CYP4F2: variants seen among roughly 807,000 people sequenced by gnomAD.
The protein encoded by CYP4F2 is cytochrome P450 4F2.
In CYP4F2, 58 loss-of-function variants were observed where a neutral mutation model predicts 58.9. That is an observed-to-expected ratio of 0.98 (90% CI 0.80 to 1.23). The LOEUF is 1.23. Ranked by LOEUF, CYP4F2 falls within the 50% of genes most tolerant of loss-of-function variation. The pLI is 0.00. For synonymous variants in CYP4F2, 287 were observed against 261.1 expected, an observed-to-expected ratio of 1.10 and a Z score of -0.95; for missense variants, 616 against 685.6, an observed-to-expected ratio of 0.90 and a Z score of 1.13.
At chr19:15,889,345 C>G (rs2089401809) in intron 7 of CYP4F2, 78 bp downstream of exon 7, 1 of 1,609,052 alleles carries the variant, frequency 6.2e-7, no homozygotes, top group Non-Finnish European at 8.5e-7. Context: ...CCCTCTTAAT[C>G]AAGTTCAAAT....
At chr19:15,891,411 C>A (rs2089415662) in intron 5 of CYP4F2, among the ~76,000 whole-genome samples, 1 of 152,080 alleles carries the variant, frequency 6.6e-6, no homozygotes, top group African/African-American at 2.4e-5. Flanking sequence ...AGTCTCTCGT[C>A]CTTCTGGAAG....
intron 9 of CYP4F2, among the ~76,000 whole-genome samples, chr19:15,883,543 G>A (rs1312390256): frequency 6.6e-6 from 1 of 152,104 alleles, no homozygotes; most frequent in Non-Finnish European, 1.5e-5. Flanking sequence ...ATAAATTAGC[G>A]CAGCCACTGC....
At chr19:15,888,652 A>G in intron 7 of CYP4F2, among the ~76,000 whole-genome samples, 1 of 152,238 alleles carries the variant, frequency 6.6e-6, no homozygotes, top group East Asian at 1.9e-4. Context: ...TTAGAAACAC[A>G]GACACAAAAA....
intron 9 of CYP4F2, among the ~76,000 whole-genome samples, chr19:15,881,013 A>G (rs2089341228): frequency 6.6e-6 from 1 of 151,898 alleles, no homozygotes; most frequent in Non-Finnish European, 1.5e-5. Flanking sequence ...CACTGTGCAC[A>G]CATGCTGACT....
intron 6 of CYP4F2, among the ~76,000 whole-genome samples, chr19:15,889,980 G>A (rs544393148): frequency 2.0e-5 from 3 of 152,084 alleles, no homozygotes; most frequent in East Asian, 1.9e-4. Context: ...GTCCTGACCC[G>A]TCTCCTTGAA....
intron 9 of CYP4F2, among the ~76,000 whole-genome samples, chr19:15,882,434 A>G (rs1426080144): frequency 6.6e-6 from 1 of 152,192 alleles, no homozygotes; most frequent in East Asian, 1.9e-4. Flanking sequence ...ACAATGTATT[A>G]ATTGAAATTG....
chr19:15,892,458 A>G (rs767274275), intron 4 of CYP4F2, 22 bp from the exon 5 acceptor site: 1 of 1,614,126 alleles, frequency 6.2e-7, no homozygotes, highest in Non-Finnish European at 8.5e-7. Context: ...GCCAAGGGCC[A>G]TGGGCAAGGA....
In CYP4F2 at chr19:15,878,334, C is replaced by T. The variant is rs573658925; in HGVS notation, c.*437G>A. Reference sequence around the variant, plus strand: ...CCACAGCTGCTGAAAGCCACCAATCCGCTATGCATCTCTTCAGATTGGCCT... The same window carrying T: ...CCACAGCTGCTGAAAGCCACCAATCTGCTATGCATCTCTTCAGATTGGCCT... On this transcript the variant is annotated 3_prime_UTR_variant, in exon 13 of 13. Coordinates refer to ENST00000221700, the MANE Select transcript of CYP4F2 (RefSeq NM_001082.5). The T allele has an allele frequency of 8.8e-5, 14 of 159,010 alleles. No homozygotes were observed. The highest frequency in any genetic ancestry group is 1.9e-4 in the South Asian group (1 of 5,280). The allele number at this position is 159,010 out of a possible 1,614,324, so 9.8% of individuals were successfully genotyped here. A position where few individuals can be genotyped will look rare whatever the true frequency, so the allele number is the denominator to read the frequency against.
At position 15,878,834 on chromosome 19, in the gene CYP4F2, C is replaced by T; in HGVS notation, c.1500G>A (p.Arg500=). Reference sequence around the variant, plus strand: ...CTGCGCGCAGGACCAGCTCCGGCTTCCTGCGGGGCTCGGTGTGGTCAGGCA... The same window carrying T: ...CTGCGCGCAGGACCAGCTCCGGCTTTCTGCGGGGCTCGGTGTGGTCAGGCA... The part of the protein sequence containing the change: ...RVLPDHTEPR[R]KPELVLRAEG... The change falls in exon 13 of 13, where the codon AGG becomes AGA. Residue 500 remains arginine (R), a synonymous_variant. Transcript: ENST00000221700. 1.2e-6 allele frequency: 2 copies of T among 1,614,044 alleles called. No individual in the cohort carries two copies. Among genetic ancestry groups the T allele is most frequent in the Non-Finnish European group, 1.7e-6 (2 of 1,179,968 alleles).
At chr19:15,890,776 T>C (rs2089411804) in intron 5 of CYP4F2, among the ~76,000 whole-genome samples, 1 of 152,180 alleles carries the variant, frequency 6.6e-6, no homozygotes, top group Admixed American at 6.5e-5. Flanking sequence ...CATTAGAAAC[T>C]CTGCTCCACC....
At chr19:15,880,801 T>C (rs756133824) in intron 9 of CYP4F2, among the ~76,000 whole-genome samples, 2 of 152,202 alleles carry the variant, frequency 1.3e-5, no homozygotes, top group East Asian at 1.9e-4. Context: ...AGAAGAAATA[T>C]GAAGATTGGC....
intron 5 of CYP4F2, among the ~76,000 whole-genome samples, chr19:15,890,668 T>C (rs764983431): frequency 1.9e-4 from 28 of 151,218 alleles, no homozygotes; most frequent in Non-Finnish European, 3.4e-4. Flanking sequence ...TCCCCTGTGC[T>C]CTGTGTGCCA....
rs867110758 is a variant in CYP4F2 at position 15,889,650 on chromosome 19, G to A, written c.691C>T (p.Leu231Phe). 6.2e-7 allele frequency: 1 copy of A among 1,614,018 alleles called. No individual in the cohort carries two copies. Among genetic ancestry groups the A allele is most frequent in the African/African-American group, 1.3e-5 (1 of 74,912 alleles). ...ATCTCATGGTGTCTTTTTGATACAA[G>A]GGCACTGAGCTCCAAGATGGCGGCA... is the stretch of plus-strand genomic sequence containing the variant. ...YIAAILELSA[L>F]VSKRHHEILL... Residue 231 changes from leucine to phenylalanine, a missense_variant, in exon 7 of 13, where the codon CTT becomes TTT. By Grantham distance (22) the Leu-to-Phe change is conservative. Coordinates refer to ENST00000221700, the MANE Select transcript of CYP4F2 (RefSeq NM_001082.5).
At position 15,890,356 on chromosome 19, in the gene CYP4F2, G is replaced by T; in HGVS notation, c.603C>A (p.Asp201Glu). 6.2e-7 allele frequency: 1 copy of T among 1,614,152 alleles called. No individual in the cohort carries two copies. The highest frequency in any genetic ancestry group is 8.5e-7 in the Non-Finnish European group (1 of 1,180,026). The change falls in exon 6 of 13, where the codon GAC (aspartate) becomes GAA (glutamate). Residue 201 changes from aspartate (D) to glutamate (E), a missense_variant. Coordinates refer to ENST00000221700, the MANE Select transcript of CYP4F2 (RefSeq NM_001082.5). ...MFEHISLMTL[D>E]SLQKCVFSFD... is the part of the protein sequence containing the mutation. ...AGCTGAAGACACATTTCTGTAGACT[G>T]TCCAAGGTCATGAGGCTGATGTGCT...
Position 15,878,954 on chromosome 19 carries a change from G to C in CYP4F2, c.1398-18C>G. The C allele has an allele frequency of 1.2e-6, 2 of 1,610,230 alleles. No homozygotes were observed. Among genetic ancestry groups the C allele is most frequent in the Non-Finnish European group, 8.5e-7 (1 of 1,178,088 alleles). On this transcript the variant is annotated intron_variant, in intron 12 of 12. Transcript: ENST00000221700. ...TGCAGTTCCTAGGGGAGGGAGGTGG[G>C]AACTCTGACTGCACCCAGGAGCCCC...
At chr19:15,891,217 A>T (rs747080471) in intron 5 of CYP4F2, among the ~76,000 whole-genome samples, 1 of 152,158 alleles carries the variant, frequency 6.6e-6, no homozygotes, top group Non-Finnish European at 1.5e-5. Context: ...ATAAAAGCAG[A>T]TTCCCTAAGC....
chr19:15,889,420 C>T lies in CYP4F2; in HGVS notation c.918+3G>A. The T allele has an allele frequency of 6.2e-7, 1 of 1,613,770 alleles. No individual in the cohort carries two copies. ...CTTGAATTCAGATCCCAGAGAGGCC[C>T]ACCTTGCTCAGCAGGAGTACATCAA... is the stretch of plus-strand genomic sequence containing the variant. On this transcript the variant is annotated splice_donor_region_variant and intron_variant, in intron 7 of 12. Coordinates refer to ENST00000221700, the MANE Select transcript of CYP4F2 (RefSeq NM_001082.5).
At chr19:15,892,276 C>T (rs376639886) in intron 5 of CYP4F2, 33 bp downstream of exon 5, 2 of 1,613,668 alleles carry the variant, frequency 1.2e-6, no homozygotes, top group African/African-American at 2.7e-5. Context: ...CACCCCAAGG[C>T]TGCAAGTGGG....
rs2089408746 is a variant in CYP4F2 at position 15,890,307 on chromosome 19, C to T, written c.647+5G>A. 6 of 1,613,924 alleles carry T rather than the reference C, an allele frequency of 3.7e-6. No homozygotes were observed. In the East Asian group the frequency reaches 1.1e-4, roughly 30 times the overall value. On this transcript the variant is annotated splice_donor_5th_base_variant and intron_variant, in intron 6 of 12. Coordinates refer to ENST00000221700, the MANE Select transcript of CYP4F2 (RefSeq NM_001082.5). ...CAAGATCCCAGATCCTGGGCAAGAA[C>T]TTACTCCTGACAATGGCTGTCAAAG... is the stretch of plus-strand genomic sequence containing the variant.
Sources: allele counts gnomAD v4.1 joint callset (sites outside exome capture counted in the v4.1 genomes callset), GRCh38; gene constraint gnomAD v4.1.1; transcripts MANE v1.5; gene names NCBI Gene and HGNC (gene_info 2026-07-23, HGNC 2026-07-21).